The following CEP85 variants were observed in gnomAD, a reference collection of about 807,000 sequenced individuals.
The protein encoded by CEP85 is centrosomal protein of 85 kDa.
CEP85 carries 58 observed loss-of-function variants against 93.7 expected under a neutral mutation model. The observed-to-expected ratio is 0.62, with a 90% CI of 0.50 to 0.77. CEP85 has a LOEUF of 0.77. Ranked by LOEUF, CEP85 falls within the 30% of genes least tolerant of loss-of-function variation. CEP85 has a pLI of 0.00. For missense variants in CEP85, 868 were observed against 922.0 expected (o/e 0.94, Z 0.76); for synonymous variants, 314 against 338.6 (o/e 0.93, Z 0.80).
At chr1:26,259,943 C>T (rs1378183163) in intron 7 of CEP85, 141 bp downstream of exon 7, 5 of 651,768 alleles carry the variant, frequency 7.7e-6, no homozygotes, top group Admixed American at 3.4e-5. Flanking sequence ...ACAGAATCGT[C>T]ACAGATCTCC....
At chr1:26,272,382 CAA>C (rs1412639425) in intron 11 of CEP85, 4 of 357,064 alleles carry the variant, frequency 1.1e-5, no homozygotes, top group African/African-American at 6.1e-5. Flanking sequence ...GCCAGGCAAA[CAA>C]GAGGAGCTGG....
At chr1:26,277,066 C>A in intron 13 of CEP85, 70 bp from the exon 14 acceptor site, 1 of 1,464,800 alleles carries the variant, frequency 6.8e-7, no homozygotes, top group Non-Finnish European at 9.5e-7. Flanking sequence ...TACTGCCTAT[C>A]CATACTGCAC....
At chr1:26,245,390 T>C (rs2089494245) in intron 3 of CEP85, among the ~76,000 whole-genome samples, 1 of 152,018 alleles carries the variant, frequency 6.6e-6, no homozygotes. Context: ...TCTGGGCCCA[T>C]GTATGCGATG....
chr1:26,259,065 G>T (rs2089766559), intron 6 of CEP85, among the ~76,000 whole-genome samples: 1 of 152,194 alleles, frequency 6.6e-6, no homozygotes, highest in African/African-American at 2.4e-5. Flanking sequence ...CACTGGCTTT[G>T]CTACCTAATT....
rs1256572566 is a variant in CEP85, at chr1:26,241,447, T to C, written c.55+1609T>C. 2.0e-5 allele frequency among the ~76,000 whole-genome samples: 3 copies of C among 152,040 alleles called. No individual in the cohort carries two copies. In the East Asian group the frequency reaches 5.8e-4, roughly 29 times the overall value. Reference sequence around the variant, plus strand: ...TTTTAATAGAGACGGGGTTTCACCATGTTAGCCAGGATGGTCTCAATCTCC... The same window carrying C: ...TTTTAATAGAGACGGGGTTTCACCACGTTAGCCAGGATGGTCTCAATCTCC... On this transcript the variant is annotated intron_variant, in intron 2 of 13. Coordinates refer to ENST00000451429, the MANE Select transcript of CEP85 (RefSeq NM_001319944.2).
intron 4 of CEP85, among the ~76,000 whole-genome samples, chr1:26,256,557 C>A (rs1366749788): frequency 6.6e-6 from 1 of 151,126 alleles, no homozygotes; most frequent in East Asian, 1.9e-4. Context: ...AATGTGAAAA[C>A]CTTCTTTGAG....
In CEP85 at chr1:26,277,241, CCAT is replaced by C. The variant is rs745967917; in HGVS notation, c.2235_2237del (p.Met746del). ...CGTGACATTGAGGACTTAAGGACCA[CCAT>C]GTCAGACAGATATGCCCAGGACATG... On this transcript the variant is annotated inframe_deletion, in exon 14 of 14. Coordinates refer to ENST00000451429, the MANE Select transcript of CEP85 (RefSeq NM_001319944.2). The C allele has an allele frequency of 6.2e-7, 1 of 1,614,176 alleles. No individual in the cohort carries two copies. The highest frequency in any genetic ancestry group is 8.5e-7 in the Non-Finnish European group (1 of 1,179,984).
chr1:26,269,342 C>T lies in CEP85; in HGVS notation c.1495-118C>T, dbSNP rs138190284. ...CCTTTCTGCAGAAAGTAAAAATTGC[C>T]TTGCTGAGGAAATTAAATATAGGTT... On this transcript the variant is annotated intron_variant, in intron 8 of 13. Transcript: ENST00000451429. The T allele has an allele frequency of 6.0e-4, 608 of 1,005,770 alleles. 4 individuals carry two copies. The African/African-American group carries it at 7.3e-3, about 12-fold the overall frequency. 62.3% of individuals were successfully genotyped at this position (1,005,770 alleles called of 1,614,324 possible). A position where few individuals can be genotyped will look rare whatever the true frequency, so the allele number is the denominator to read the frequency against.
At chr1:26,236,532 T>C (rs552684699) in intron 1 of CEP85, among the ~76,000 whole-genome samples, 5 of 152,332 alleles carry the variant, frequency 3.3e-5, no homozygotes, top group Non-Finnish European at 5.9e-5. Context: ...CCCAAAAATT[T>C]CCACCAGTAG....
At position 26,258,265 on chromosome 1, in the gene CEP85, G is replaced by C. The variant is rs1033254781; in HGVS notation, c.1155+5G>C. The C allele has an allele frequency of 6.3e-7, 1 of 1,586,870 alleles. No homozygotes were observed. The highest frequency in any genetic ancestry group is 8.7e-7 in the Non-Finnish European group (1 of 1,155,358). Reference sequence around the variant, plus strand: ...GTCTGCTTGCTGAGGCTACAGGTAAGTATTGGCCATCAGGATGGCATTCTG... The same window carrying C: ...GTCTGCTTGCTGAGGCTACAGGTAACTATTGGCCATCAGGATGGCATTCTG... On this transcript the variant is annotated splice_donor_5th_base_variant and intron_variant, in intron 6 of 13. Transcript: ENST00000451429.
Position 26,269,599 on chromosome 1 carries a change from C to G in CEP85, c.1634C>G (p.Ser545Cys), listed in dbSNP as rs1361970630. ...CTGAGGCAGAGAGAAGCAGAATTCT[C>G]CTCCGCTGGACATAGGTAAATAACC... ...ESLRQREAEF[S>C]SAGHSLQDKQ... The change falls in exon 9 of 14, where the codon TCC (serine) becomes TGC (cysteine). Residue 545 changes from serine to cysteine, a missense_variant. Ser to Cys is a moderately radical substitution (Grantham distance 112). Coordinates refer to ENST00000451429, the MANE Select transcript of CEP85 (RefSeq NM_001319944.2). 1 of 1,613,408 alleles carries G rather than the reference C, an allele frequency of 6.2e-7. No homozygotes were observed. Among genetic ancestry groups the G allele is most frequent in the Non-Finnish European group, 8.5e-7 (1 of 1,179,670 alleles).
chr1:26,252,281 C>T (rs2089630553), intron 3 of CEP85, among the ~76,000 whole-genome samples: 1 of 151,426 alleles, frequency 6.6e-6, no homozygotes, highest in Admixed American at 6.6e-5. Flanking sequence ...ACCTGTAATC[C>T]CAGCACTTTG....
intron 1 of CEP85, among the ~76,000 whole-genome samples, chr1:26,235,567 C>CTTTTTTTTTTTTTTTTTTTTTTTTTTT (rs1192252673): frequency 6.3e-5 from 6 of 95,588 alleles, no homozygotes; most frequent in African/African-American, 2.2e-4. Flanking sequence ...GATTGTAATT[C>CTTTTTTTTTTTTTTTTTTTTTTTTTTT]TTTTTTTTTT....
At chr1:26,270,633 T>G (rs965270044) in intron 9 of CEP85, among the ~76,000 whole-genome samples, 1 of 152,248 alleles carries the variant, frequency 6.6e-6, no homozygotes, top group Non-Finnish European at 1.5e-5. Flanking sequence ...GAGGACAAAG[T>G]TGGCTTTGCC....
chr1:26,267,146 G>C (rs534274715), intron 7 of CEP85, among the ~76,000 whole-genome samples: 1 of 152,180 alleles, frequency 6.6e-6, no homozygotes, highest in African/African-American at 2.4e-5. Context: ...CAGGCCACCC[G>C]TATTTCTGAC....
At chr1:26,257,477 T>A in intron 4 of CEP85, 120 bp from the exon 5 acceptor site, 3 of 1,134,954 alleles carry the variant, frequency 2.6e-6, no homozygotes, top group Non-Finnish European at 3.8e-6. Context: ...TCATAAACAT[T>A]GGGCCTCATC....
chr1:26,259,574 A>G lies in CEP85; in HGVS notation c.1156-43A>G, dbSNP rs771666067. On this transcript the variant is annotated intron_variant, in intron 6 of 13. Transcript: ENST00000451429. ...GGGAATAAGTAAAGTACATGAGACT[A>G]TAAGGGTAGAGAACAGTTACATATT... 1.7e-5 allele frequency: 26 copies of G among 1,517,814 alleles called. No homozygotes were observed. In the African/African-American group the frequency reaches 1.9e-4, roughly 11 times the overall value. 94.0% of individuals were successfully genotyped at this position (1,517,814 alleles called of 1,614,324 possible). A position where few individuals can be genotyped will look rare whatever the true frequency, so the allele number is the denominator to read the frequency against.
At chr1:26,262,551 C>T (rs921005356) in intron 7 of CEP85, among the ~76,000 whole-genome samples, 6 of 152,050 alleles carry the variant, frequency 3.9e-5, no homozygotes, top group East Asian at 1.9e-4. Flanking sequence ...GAAAAGTCCT[C>T]GCTGACAAAG....
At chr1:26,271,991 G>A (rs753318602) in intron 10 of CEP85, 30 bp from the exon 11 acceptor site, 10 of 1,612,342 alleles carry the variant, frequency 6.2e-6, no homozygotes, top group Admixed American at 1.7e-5. Flanking sequence ...CCTTGTGCTC[G>A]CAGCCTTCCT....
Sources: gnomAD v4.1 joint callset for allele counts (sites outside exome capture counted in the v4.1 genomes callset) on GRCh38, gnomAD v4.1.1 for gene constraint, MANE v1.5 for transcripts, NCBI Gene and HGNC (gene_info 2026-07-23, HGNC 2026-07-21) for gene names.